Variants in SLC25A42 observed in about 807,000 individuals in gnomAD.
The protein encoded by SLC25A42 is mitochondrial coenzyme A transporter SLC25A42.
Under a neutral mutation model 34.7 loss-of-function variants are expected in SLC25A42, and 19 were observed. The ratio of observed to expected loss-of-function variants is 0.55; its 90% CI spans 0.38 to 0.80. SLC25A42 has a LOEUF of 0.80. SLC25A42 is among the 30% of genes least tolerant of loss of function. The pLI, the probability that SLC25A42 is intolerant of heterozygous loss-of-function variation, is 0.00. For missense variants in SLC25A42, 364 were observed against 441.3 expected, an observed-to-expected ratio of 0.82 and a Z score of 1.57; for synonymous variants, 205 against 191.2, an observed-to-expected ratio of 1.07 and a Z score of -0.59.
intron 1 of SLC25A42, among the ~76,000 whole-genome samples, chr19:19,089,837 C>T (rs1027215716): frequency 1.4e-4 from 22 of 152,044 alleles, no homozygotes; most frequent in African/African-American, 2.2e-4. Context: ...CCATTGCACT[C>T]CAGCCTGGGT....
chr19:19,075,722 T>A (rs1568508750), intron 1 of SLC25A42, among the ~76,000 whole-genome samples: 3 of 152,156 alleles, frequency 2.0e-5, no homozygotes, highest in African/African-American at 7.2e-5. Context: ...CTTCCTGGGC[T>A]CCATGACAGC....
At chr19:19,064,900 GAC>G (rs1211375923) in intron 1 of SLC25A42, among the ~76,000 whole-genome samples, 9 of 152,178 alleles carry the variant, frequency 5.9e-5, no homozygotes, top group Admixed American at 5.9e-4. Flanking sequence ...AACAGTGCTT[GAC>G]AGTCTATAAA....
intron 1 of SLC25A42, among the ~76,000 whole-genome samples, chr19:19,078,962 A>AATTCAG (rs1216055594): frequency 2.0e-5 from 3 of 151,598 alleles, no homozygotes; most frequent in African/African-American, 7.3e-5. Flanking sequence ...TCAGTGGTAT[A>AATTCAG]TAGTACAGTC....
intron 1 of SLC25A42, among the ~76,000 whole-genome samples, chr19:19,076,879 T>TA (rs1351154480): frequency 1.3e-5 from 2 of 152,136 alleles, no homozygotes; most frequent in Non-Finnish European, 1.5e-5. Context: ...GTTTTGTACT[T>TA]ACGTTTCTTA....
intron 1 of SLC25A42, among the ~76,000 whole-genome samples, chr19:19,073,968 A>G (rs772415692): frequency 6.6e-6 from 1 of 152,206 alleles, no homozygotes; most frequent in African/African-American, 2.4e-5. Context: ...TTGGCCTCCC[A>G]AAGTGCTGGG....
intron 2 of SLC25A42, among the ~76,000 whole-genome samples, chr19:19,099,697 T>A (rs899255474): frequency 2.0e-5 from 3 of 152,098 alleles, no homozygotes; most frequent in African/African-American, 7.2e-5. Context: ...CTATCCTGGG[T>A]TTCTGCAGGA....
At chr19:19,066,730 C>G (rs943045537) in intron 1 of SLC25A42, among the ~76,000 whole-genome samples, 1 of 152,142 alleles carries the variant, frequency 6.6e-6, no homozygotes, top group Non-Finnish European at 1.5e-5. Flanking sequence ...GGATTACAGG[C>G]GTGAGCCACT....
chr19:19,071,867 A>C (rs2059631757), intron 1 of SLC25A42, among the ~76,000 whole-genome samples: 1 of 144,136 alleles, frequency 6.9e-6, no homozygotes, highest in African/African-American at 2.9e-5. Flanking sequence ...ATCCGTCTCA[A>C]AAAAAAAAAC....
intron 1 of SLC25A42, among the ~76,000 whole-genome samples, chr19:19,065,323 G>A (rs1029498577): frequency 6.6e-6 from 1 of 152,140 alleles, no homozygotes; most frequent in Non-Finnish European, 1.5e-5. Context: ...GACACTCCCT[G>A]GGCCCTTGAA....
chr19:19,070,492 T>C (rs1014524039), intron 1 of SLC25A42, among the ~76,000 whole-genome samples: 1 of 151,778 alleles, frequency 6.6e-6, no homozygotes, highest in Non-Finnish European at 1.5e-5. Context: ...GAGACACGGT[T>C]TTGCCACGTT....
At position 19,069,027 on chromosome 19, in the gene SLC25A42, TAA is replaced by T. The variant is rs5827428; in HGVS notation, c.-35+4926_-35+4927del. 3.2e-3 allele frequency among the ~76,000 whole-genome samples: 451 copies of T among 142,564 alleles called. 3 individuals are homozygous for T. The highest frequency in any genetic ancestry group is 0.017 in the East Asian group (85 of 4,890). 93.5% of individuals were successfully genotyped at this position (142,564 alleles called of 152,430 possible). A position where few individuals can be genotyped will look rare whatever the true frequency, so the allele number is the denominator to read the frequency against. ...GGGTGACAGTGAGGTTCTGTCTCTTTAAAAAAAAAAAAAAAGTATATAACATG... is the reference window on the plus strand; with the variant it reads ...GGGTGACAGTGAGGTTCTGTCTCTTTAAAAAAAAAAAAAGTATATAACATG... On this transcript the variant is annotated intron_variant, in intron 1 of 7. Transcript: ENST00000318596.
At chr19:19,100,286 G>T (rs1340080429) in intron 2 of SLC25A42, among the ~76,000 whole-genome samples, 1 of 152,074 alleles carries the variant, frequency 6.6e-6, no homozygotes, top group Non-Finnish European at 1.5e-5. Flanking sequence ...AGTTTGCAGT[G>T]AGCTGAGATC....
At chr19:19,073,432 G>A (rs924257455) in intron 1 of SLC25A42, among the ~76,000 whole-genome samples, 6 of 152,214 alleles carry the variant, frequency 3.9e-5, no homozygotes, top group Admixed American at 6.5e-5. Flanking sequence ...TTTGAAGGAT[G>A]CAGAGAAGTT....
chr19:19,095,616 AAAAT>A (rs1468806903), intron 1 of SLC25A42, among the ~76,000 whole-genome samples: 1 of 152,208 alleles, frequency 6.6e-6, no homozygotes, highest in African/African-American at 2.4e-5. Flanking sequence ...CCGTCTCAAA[AAAAT>A]AAATAAATAA....
chr19:19,092,151 T>A (rs889243627), intron 1 of SLC25A42, among the ~76,000 whole-genome samples: 7 of 152,190 alleles, frequency 4.6e-5, no homozygotes, highest in Admixed American at 4.6e-4. Flanking sequence ...TCCTACTCTG[T>A]CTCTTACAAG....
chr19:19,093,719 C>G (rs1335284733), intron 1 of SLC25A42, among the ~76,000 whole-genome samples: 1 of 152,166 alleles, frequency 6.6e-6, no homozygotes, highest in Non-Finnish European at 1.5e-5. Flanking sequence ...GCTGTGTCAC[C>G]CAGGCTGGAA....
intron 1 of SLC25A42, among the ~76,000 whole-genome samples, chr19:19,066,534 C>T (rs1026068664): frequency 3.3e-5 from 5 of 151,060 alleles, no homozygotes; most frequent in East Asian, 2.0e-4. Context: ...CTGCAAGCTC[C>T]GCCTCCCAAG....
intron 1 of SLC25A42, among the ~76,000 whole-genome samples, chr19:19,094,388 T>G (rs774583519): frequency 6.6e-6 from 1 of 152,252 alleles, no homozygotes; most frequent in Non-Finnish European, 1.5e-5. Context: ...TTTCCATTTC[T>G]ACTCAAACTG....
At chr19:19,084,311 C>CA (rs1324945359) in intron 1 of SLC25A42, among the ~76,000 whole-genome samples, 1 of 152,212 alleles carries the variant, frequency 6.6e-6, no homozygotes, top group Non-Finnish European at 1.5e-5. Flanking sequence ...TAGGTATATC[C>CA]AGTTCAGCTT....
Sources: allele counts gnomAD v4.1 joint callset (sites outside exome capture counted in the v4.1 genomes callset), GRCh38; gene constraint gnomAD v4.1.1; transcripts MANE v1.5; gene names NCBI Gene and HGNC (gene_info 2026-07-23, HGNC 2026-07-21).